The following LIMS2 variants were observed in gnomAD, a reference collection of about 807,000 sequenced individuals.
The protein encoded by LIMS2 is LIM zinc finger domain containing 2.
LIMS2 carries 30 observed loss-of-function variants against 45.3 expected under a neutral mutation model. That is an observed-to-expected ratio of 0.66 (90% confidence interval 0.50 to 0.90). The LOEUF (loss-of-function observed/expected upper bound fraction) is 0.90. LIMS2 is among the 40% of genes least tolerant of loss of function. The pLI, the probability that LIMS2 is intolerant of heterozygous loss-of-function variation, is 0.00. For synonymous variants in LIMS2, 173 were observed against 188.0 expected, an observed-to-expected ratio of 0.92 and a Z score of 0.65; for missense variants, 485 against 468.7, an observed-to-expected ratio of 1.03 and a Z score of -0.32.
At chr2:127,655,249 C>T in intron 2 of LIMS2, 1 of 381,638 alleles carries the variant, frequency 2.6e-6, no homozygotes, top group Non-Finnish European at 5.0e-6. Flanking sequence ...AGTGTAGTGT[C>T]ACTTGGTCCT....
chr2:127,643,018 G>T lies in LIMS2; in HGVS notation c.414C>A (p.Tyr138Ter). The T allele has an allele frequency of 6.3e-7, 1 of 1,586,036 alleles. No homozygotes were observed. The highest frequency in any genetic ancestry group is 1.8e-5 in the Admixed American group (1 of 55,778). The change falls in exon 5 of 10, where the codon TAC becomes TAA. Residue 138 changes from tyrosine to a stop codon, truncating the protein, a stop_gained. Coordinates refer to ENST00000355119, the MANE Select transcript of LIMS2 (RefSeq NM_001161403.3). LOFTEE classifies it high-confidence loss of function. ...TGACCAGGTGGCACCGCTGGCAGATGTACTTGCCCAGGCCCTTGGCCTTCT... is the reference window on the plus strand; with the variant it reads ...TGACCAGGTGGCACCGCTGGCAGATTTACTTGCCCAGGCCCTTGGCCTTCT... ...NREKAKGLGK[Y>*]ICQRCHLVID...
At position 127,653,275 on chromosome 2, in the gene LIMS2, C is replaced by A. The variant is rs1683985547; in HGVS notation, c.359+1149G>T. 6.6e-6 allele frequency among the ~76,000 whole-genome samples: 1 copy of A among 152,118 alleles called. No individual in the cohort carries two copies. Among genetic ancestry groups the A allele is most frequent in the Non-Finnish European group, 1.5e-5 (1 of 68,026 alleles). Reference sequence around the variant, plus strand: ...GACAGAGAGAGTGTGGCAGGGGAAGCATGGCTGGGGCCTCTGGGGGTCGGC... The same window carrying A: ...GACAGAGAGAGTGTGGCAGGGGAAGAATGGCTGGGGCCTCTGGGGGTCGGC... On this transcript the variant is annotated intron_variant, in intron 4 of 9. Coordinates refer to ENST00000355119, the MANE Select transcript of LIMS2 (RefSeq NM_001161403.3). The surrounding 1 kb of genome is among the most constrained non-coding windows in gnomAD (Gnocchi z 5.3).
Position 127,667,608 on chromosome 2 carries a change from C to T in LIMS2, c.11+7406G>A, listed in dbSNP as rs1392175587. Reference sequence around the variant, plus strand: ...GGAGGACACTCTATGACCATCTCAACAGATGCAGAAAACACATTTGGCAAA... The same window carrying T: ...GGAGGACACTCTATGACCATCTCAATAGATGCAGAAAACACATTTGGCAAA... On this transcript the variant is annotated intron_variant, in intron 1 of 9. Coordinates refer to ENST00000355119, the MANE Select transcript of LIMS2 (RefSeq NM_001161403.3). The surrounding 1 kb of genome is among the most constrained non-coding windows in gnomAD (Gnocchi z 4.1). Among the ~76,000 whole-genome samples the T allele has an allele frequency of 6.6e-6, 1 of 152,222 alleles. No homozygotes were observed. The highest frequency in any genetic ancestry group is 1.5e-5 in the Non-Finnish European group (1 of 68,048).
Position 127,657,419 on chromosome 2 carries a change from T to G in LIMS2, c.155A>C (p.Glu52Ala). 1 of 1,613,790 alleles carries G rather than the reference T, an allele frequency of 6.2e-7. No homozygotes were observed. Among genetic ancestry groups the G allele is most frequent in the Non-Finnish European group, 8.5e-7 (1 of 1,179,980 alleles). ...TGTCCTCACCTCATAGAAGAGCCCC[T>G]CGGGGAAGGGCCGGAAGCACTGGGC... The part of the protein sequence containing the change: ...VCAQCFRPFP[E>A]GLFYEFEGRK... The change falls in exon 2 of 10, where the codon GAG becomes GCG. Residue 52 changes from glutamate to alanine, a missense_variant. Transcript: ENST00000355119.
At chr2:127,643,156 G>T in intron 4 of LIMS2, 84 bp from the exon 5 acceptor site, 1 of 1,423,778 alleles carries the variant, frequency 7.0e-7, no homozygotes, top group Non-Finnish European at 9.4e-7. Context: ...CCAGACCCCT[G>T]CAACTTCACT....
rs1165684163 is a variant in LIMS2 at position 127,648,944 on chromosome 2, A to AGGGAG, written c.359+5475_359+5479dup. The stretch of plus-strand genomic sequence containing the variant: ...AGAGAAAGAAAAAAAGAAAAAAGAG[A>AGGGAG]GGGAGGGGAGGGGAGGGGAGGGGGG... On this transcript the variant is annotated intron_variant, in intron 4 of 9. Coordinates refer to ENST00000355119, the MANE Select transcript of LIMS2 (RefSeq NM_001161403.3). 1.5e-3 allele frequency among the ~76,000 whole-genome samples: 89 copies of AGGGAG among 59,358 alleles called. 3 individuals carry two copies. The highest frequency in any genetic ancestry group is 4.7e-3 in the Admixed American group (20 of 4,238). The allele number at this position is 59,358 out of a possible 152,430, so 38.9% of individuals were successfully genotyped here.
intron 7 of LIMS2, chr2:127,640,651 C>T: frequency 1.7e-6 from 1 of 597,366 alleles, no homozygotes; most frequent in Non-Finnish European, 3.0e-6. Flanking sequence ...GTTGCTGGCA[C>T]TGTCAGCCCC....
At chr2:127,660,302 C>T (rs1008746530) in intron 1 of LIMS2, among the ~76,000 whole-genome samples, 11 of 152,186 alleles carry the variant, frequency 7.2e-5, no homozygotes, top group African/African-American at 2.7e-4. Context: ...CACTCGAACC[C>T]ACAGCAGCAA....
intron 1 of LIMS2, among the ~76,000 whole-genome samples, chr2:127,661,407 C>G (rs1187846046): frequency 6.6e-6 from 1 of 152,248 alleles, no homozygotes. Flanking sequence ...TGGGAGCCTT[C>G]CAGAGTCCCT....
intron 1 of LIMS2, among the ~76,000 whole-genome samples, chr2:127,669,525 C>T (rs1685184294): frequency 6.6e-6 from 1 of 151,906 alleles, no homozygotes; most frequent in South Asian, 2.1e-4. Context: ...ACCAGCCTGG[C>T]CAACATGGTG....
At chr2:127,656,668 G>A (rs576414963) in intron 2 of LIMS2, among the ~76,000 whole-genome samples, 17 of 152,244 alleles carry the variant, frequency 1.1e-4, no homozygotes, top group African/African-American at 3.8e-4. Context: ...ATCTGCCTCC[G>A]CCTCCCAAAG....
chr2:127,650,308 T>C (rs1013489633), intron 4 of LIMS2: 3 of 570,268 alleles, frequency 5.3e-6, no homozygotes, highest in South Asian at 2.1e-5. Flanking sequence ...GGAGACACAC[T>C]GCCCCCGCCC....
intron 1 of LIMS2, 28 bp downstream of exon 1, chr2:127,674,986 G>GC: frequency 8.1e-7 from 1 of 1,229,092 alleles, no homozygotes; most frequent in Non-Finnish European, 1.0e-6. Context: ...CGCCTCCCCG[G>GC]CCCGGGGGCG....
At chr2:127,641,739 A>C in intron 6 of LIMS2, 1 of 304,008 alleles carries the variant, frequency 3.3e-6, no homozygotes, top group Non-Finnish European at 6.1e-6. Flanking sequence ...CACAACCCCC[A>C]GGCACTCTGG....
intron 1 of LIMS2, among the ~76,000 whole-genome samples, chr2:127,673,188 A>C (rs746074195): frequency 7.9e-5 from 12 of 152,228 alleles, no homozygotes; most frequent in Non-Finnish European, 1.6e-4. Context: ...GATCGCTCAC[A>C]GCTGCGTCAA....
chr2:127,639,121 G>T lies in LIMS2; in HGVS notation c.*160C>A, dbSNP rs1573743821. The T allele has an allele frequency of 1.3e-6, 1 of 749,588 alleles. No homozygotes were observed. The highest frequency in any genetic ancestry group is 2.7e-5 in the East Asian group (1 of 36,396). The allele number at this position is 749,588 out of a possible 1,614,324, so 46.4% of individuals were successfully genotyped here. A position where few individuals can be genotyped will look rare whatever the true frequency, so the allele number is the denominator to read the frequency against. On this transcript the variant is annotated 3_prime_UTR_variant, in exon 10 of 10. Transcript: ENST00000355119. Reference sequence around the variant, plus strand: ...CGGCCAAGGAGAGGAGAGACATGGGGAAGGCAGAGATGAGGGAACAGGAAG... The same window carrying T: ...CGGCCAAGGAGAGGAGAGACATGGGTAAGGCAGAGATGAGGGAACAGGAAG...
rs1684911885 is a variant in LIMS2, at chr2:127,664,682, GAC to G, written c.12-7122_12-7121del. ...AGGGGACTGGTCTGGGAAGGCCCCA[GAC>G]AGCACTGAGGTGAGGTCCACAGTGG... is the stretch of plus-strand genomic sequence containing the variant. On this transcript the variant is annotated intron_variant, in intron 1 of 9. Transcript: ENST00000355119. This position sits in a 1 kb window ranked among gnomAD's most constrained non-coding sequence, Gnocchi z 5.5. 3 of 948,406 alleles carry G rather than the reference GAC, an allele frequency of 3.2e-6. No homozygotes were observed. Among genetic ancestry groups the G allele is most frequent in the Non-Finnish European group, 3.9e-6 (3 of 777,782 alleles). The allele number at this position is 948,406 out of a possible 1,614,324, so 58.7% of individuals were successfully genotyped here. A position where few individuals can be genotyped will look rare whatever the true frequency, so the allele number is the denominator to read the frequency against.
intron 7 of LIMS2, 30 bp downstream of exon 7, chr2:127,640,866 G>A (rs373340579): frequency 1.3e-4 from 210 of 1,596,802 alleles, no homozygotes; most frequent in Middle Eastern, 1.8e-4. Context: ...CTCCAGACCC[G>A]CATCCCTGAA....
upstream of LIMS2, among the ~76,000 whole-genome samples, chr2:127,675,773 C>G (rs1449210966): frequency 6.6e-6 from 1 of 152,160 alleles, no homozygotes; most frequent in East Asian, 1.9e-4. Context: ...GACTCCCTCC[C>G]GAGGCACCCG....
Sources: allele counts gnomAD v4.1 joint callset (sites outside exome capture counted in the v4.1 genomes callset), GRCh38; gene constraint gnomAD v4.1.1; non-coding constraint Gnocchi (gnomAD v3.1); transcripts MANE v1.5; gene names NCBI Gene and HGNC (gene_info 2026-07-23, HGNC 2026-07-21).